The following CATSPERT variants were observed in gnomAD, a reference collection of about 807,000 sequenced individuals.
CATSPERT encodes the protein catsper channel auxiliary subunit tau.
chr2:201,523,447 G>A, the CATSPERT span, among the ~76,000 whole-genome samples: 1 of 152,064 alleles, frequency 6.6e-6, no homozygotes, highest in Non-Finnish European at 1.5e-5. Flanking sequence ...TTATACCACA[G>A]CCAAACCCTC....
At chr2:201,491,839 T>A in the CATSPERT span, 3 of 1,537,024 alleles carry the variant, frequency 2.0e-6, no homozygotes, top group Admixed American at 5.9e-5. Context: ...ACTATATGGG[T>A]CTTGAATCTC....
the CATSPERT span, among the ~76,000 whole-genome samples, chr2:201,512,163 A>G: frequency 1.2e-4 from 18 of 152,268 alleles, no homozygotes; most frequent in Non-Finnish European, 2.5e-4. Flanking sequence ...CCTAAGAAAA[A>G]CATCTTAGGT....
the CATSPERT span, among the ~76,000 whole-genome samples, chr2:201,539,584 GT>G: frequency 1.2e-5 from 1 of 84,854 alleles, no homozygotes; most frequent in Non-Finnish European, 2.6e-5. Flanking sequence ...TTTGGTTTTG[GT>G]TTTTTTTGCC....
At chr2:201,617,899 T>C in the CATSPERT span, among the ~76,000 whole-genome samples, 2 of 151,892 alleles carry the variant, frequency 1.3e-5, no homozygotes, top group African/African-American at 4.8e-5. Flanking sequence ...GTGGGCAAAG[T>C]ATATGAACAG....
At chr2:201,604,520 C>A in the CATSPERT span, 1 of 659,284 alleles carries the variant, frequency 1.5e-6, no homozygotes, top group Non-Finnish European at 2.4e-6. Flanking sequence ...TTCATAAATA[C>A]GCCATCAGAG....
chr2:201,581,244 A>G, the CATSPERT span, among the ~76,000 whole-genome samples: 1 of 151,192 alleles, frequency 6.6e-6, no homozygotes, highest in South Asian at 2.1e-4. Context: ...TGTCTCTACT[A>G]AAAACACAAA....
chr2:201,568,222 C>A, the CATSPERT span, among the ~76,000 whole-genome samples: 2 of 152,154 alleles, frequency 1.3e-5, no homozygotes. Flanking sequence ...ACAAAAATGT[C>A]TTATCAGTAA....
chr2:201,618,624 G>A, the CATSPERT span, among the ~76,000 whole-genome samples: 1 of 151,124 alleles, frequency 6.6e-6, no homozygotes, highest in Non-Finnish European at 1.5e-5. Context: ...CGAGTTAATG[G>A]GTGCAGCACA....
chr2:201,578,138 A>G, the CATSPERT span, among the ~76,000 whole-genome samples: 151 of 152,308 alleles, frequency 9.9e-4, 2 homozygotes, highest in East Asian at 0.023. Flanking sequence ...GAAATATAAT[A>G]TTTCTATAAT....
At chr2:201,511,536 G>A in the CATSPERT span, among the ~76,000 whole-genome samples, 14 of 152,000 alleles carry the variant, frequency 9.2e-5, no homozygotes, top group African/African-American at 3.1e-4. Context: ...ACCACCAAAC[G>A]CTACCTTTCA....
At chr2:201,494,760 C>T in the CATSPERT span, 33 of 1,486,262 alleles carry the variant, frequency 2.2e-5, no homozygotes, top group Admixed American at 4.9e-5. Context: ...ATTTCTGAAA[C>T]TGCAATATTA....
chr2:201,520,528 A>G, the CATSPERT span, among the ~76,000 whole-genome samples: 1 of 152,220 alleles, frequency 6.6e-6, no homozygotes, highest in Non-Finnish European at 1.5e-5. Flanking sequence ...AAAATAATAC[A>G]AATACATGGA....
At chr2:201,542,142 G>A in the CATSPERT span, among the ~76,000 whole-genome samples, 1 of 148,270 alleles carries the variant, frequency 6.7e-6, no homozygotes, top group African/African-American at 2.5e-5. Context: ...AAAGTATAGT[G>A]TAAATGTAAT....
the CATSPERT span, among the ~76,000 whole-genome samples, chr2:201,591,511 A>G: frequency 0.062 from 9,352 of 151,980 alleles, 366 homozygotes; most frequent in Middle Eastern, 0.11. Flanking sequence ...GCTTTTTCCA[A>G]TTCTGTGAAG....
At chr2:201,490,735 TTG>T in the CATSPERT span, among the ~76,000 whole-genome samples, 1 of 152,132 alleles carries the variant, frequency 6.6e-6, no homozygotes, top group South Asian at 2.1e-4. Context: ...TTTTGTTTGT[TTG>T]TTTTGAGACG....
the CATSPERT span, chr2:201,574,071 C>T: frequency 1.9e-6 from 1 of 514,858 alleles, no homozygotes; most frequent in African/African-American, 2.0e-5. Flanking sequence ...GCCCACATAC[C>T]TCAAAGTCGG....
chr2:201,493,085 C>T, the CATSPERT span: 1 of 1,532,742 alleles, frequency 6.5e-7, no homozygotes, highest in Admixed American at 2.0e-5. Flanking sequence ...CCTCTTCTTT[C>T]AGAATGATTA....
the CATSPERT span, chr2:201,601,876 G>A: frequency 6.3e-7 from 1 of 1,585,998 alleles, no homozygotes; most frequent in Non-Finnish European, 8.6e-7. Context: ...GCATAATGTT[G>A]TAAACTGACT....
chr2:201,554,593 A>G, the CATSPERT span: 1 of 152,156 alleles, frequency 6.6e-6, no homozygotes, highest in Admixed American at 6.5e-5. Flanking sequence ...TATACTAACA[A>G]ATTGATTACT....
Sources: allele counts gnomAD v4.1 joint callset (sites outside exome capture counted in the v4.1 genomes callset), GRCh38; gene constraint gnomAD v4.1.1; transcripts MANE v1.5; gene names NCBI Gene and HGNC (gene_info 2026-07-23, HGNC 2026-07-21).